The following ATG13 variants were observed in gnomAD, a reference collection of about 807,000 sequenced individuals.
The protein encoded by ATG13 is autophagy-related protein 13.
In ATG13, 23 loss-of-function variants were observed where a neutral mutation model predicts 65.5. The observed-to-expected ratio is 0.35, with a 90% CI of 0.25 to 0.50. The LOEUF (loss-of-function observed/expected upper bound fraction) is 0.50. ATG13 is among the 20% of genes least tolerant of loss of function. The pLI is 0.98. For missense variants in ATG13, 566 were observed against 677.0 expected (o/e 0.84, Z 1.82); for synonymous variants, 252 against 245.2 (o/e 1.03, Z -0.26).
intron 11 of ATG13, among the ~76,000 whole-genome samples, chr11:46,663,410 T>C (rs527825775): frequency 1.1e-3 from 171 of 152,088 alleles, no homozygotes; most frequent in Middle Eastern, 3.4e-3. Flanking sequence ...ACCTATGCCA[T>C]CAGGGACTGT....
At chr11:46,620,771 A>G (rs886972679) in intron 1 of ATG13, among the ~76,000 whole-genome samples, 4 of 152,020 alleles carry the variant, frequency 2.6e-5, no homozygotes, top group South Asian at 4.2e-4. Context: ...GTGAAACTCC[A>G]TCTCAAGAAA....
intron 2 of ATG13, among the ~76,000 whole-genome samples, chr11:46,632,040 A>G (rs2051967700): frequency 6.6e-6 from 1 of 152,204 alleles, no homozygotes; most frequent in South Asian, 2.1e-4. Context: ...AATAGTTTTT[A>G]TTACTCAACT....
chr11:46,664,750 T>C, intron 12 of ATG13, 99 bp from the exon 13 acceptor site: 1 of 1,103,548 alleles, frequency 9.1e-7, no homozygotes, highest in Non-Finnish European at 1.4e-6. Context: ...CGGGAGCCAT[T>C]CCTTATCTCT....
intron 2 of ATG13, 26 bp from the exon 3 acceptor site, chr11:46,644,253 A>G (rs1324540869): frequency 1.3e-6 from 2 of 1,505,880 alleles, no homozygotes; most frequent in African/African-American, 2.8e-5. Context: ...GATATTAGTC[A>G]TATTTTTTTC....
chr11:46,670,252 G>A (rs914708525), intron 18 of ATG13, among the ~76,000 whole-genome samples: 2 of 152,106 alleles, frequency 1.3e-5, no homozygotes, highest in African/African-American at 4.8e-5. Flanking sequence ...GGAGGCCAAG[G>A]CAGGCAGATC....
chr11:46,631,489 G>C (rs1308013725), intron 2 of ATG13, among the ~76,000 whole-genome samples: 2 of 152,194 alleles, frequency 1.3e-5, no homozygotes, highest in African/African-American at 2.4e-5. Flanking sequence ...AGAATCTTCT[G>C]TCCAGCATTT....
chr11:46,657,324 C>A, intron 9 of ATG13, 133 bp downstream of exon 9: 1 of 965,008 alleles, frequency 1.0e-6, no homozygotes, highest in Non-Finnish European at 1.6e-6. Context: ...AGAGAGAGTG[C>A]AGTTGCCAGA....
chr11:46,632,886 A>G (rs1453188153), intron 2 of ATG13, among the ~76,000 whole-genome samples: 4 of 151,100 alleles, frequency 2.6e-5, no homozygotes, highest in African/African-American at 4.9e-5. Flanking sequence ...TCATGGGCCT[A>G]GCACAGTGGC....
chr11:46,639,708 A>C (rs1031279711), intron 2 of ATG13, among the ~76,000 whole-genome samples: 3 of 151,820 alleles, frequency 2.0e-5, no homozygotes, highest in Non-Finnish European at 4.4e-5. Flanking sequence ...AAGTGTGGAG[A>C]TCATTGGTCA....
At chr11:46,636,115 T>C (rs767229757) in intron 2 of ATG13, among the ~76,000 whole-genome samples, 3 of 152,162 alleles carry the variant, frequency 2.0e-5, no homozygotes, top group Non-Finnish European at 4.4e-5. Context: ...AAGTCATTTA[T>C]AGTTTGGATC....
chr11:46,624,652 A>G (rs558726282), intron 1 of ATG13, among the ~76,000 whole-genome samples: 2 of 152,278 alleles, frequency 1.3e-5, no homozygotes, highest in African/African-American at 4.8e-5. Flanking sequence ...GTAATACATC[A>G]CATCAGAAGG....
At chr11:46,626,728 T>C (rs527710629) in intron 1 of ATG13, among the ~76,000 whole-genome samples, 2 of 152,214 alleles carry the variant, frequency 1.3e-5, no homozygotes, top group Non-Finnish European at 2.9e-5. Context: ...CTTGGTGATT[T>C]GCTTGAACCA....
At chr11:46,655,200 C>T (rs773235758) in intron 7 of ATG13, among the ~76,000 whole-genome samples, 1 of 151,980 alleles carries the variant, frequency 6.6e-6, no homozygotes, top group South Asian at 2.1e-4. Flanking sequence ...GAGATCGAAA[C>T]CATCCTGGCT....
rs1027191404 is a variant in ATG13 at position 46,673,333 on chromosome 11, C to T, written c.*1001C>T. ...GAGGGCTGGCCGGGGGCAAAGTCAC[C>T]TCCCAGTGTGGCTGCACTGGAACTG... On this transcript the variant is annotated 3_prime_UTR_variant, in exon 19 of 19. Transcript: ENST00000683050. The T allele has an allele frequency of 4.6e-5, 7 of 152,922 alleles. No homozygotes were observed. The highest frequency in any genetic ancestry group is 1.4e-4 in the African/African-American group (6 of 41,448). The allele number at this position is 152,922 out of a possible 1,614,324, so 9.5% of individuals were successfully genotyped here.
rs762884295 is a variant in ATG13 at position 46,645,878 on chromosome 11, A to G, written c.159A>G (p.Leu53=). 1 of 1,614,100 alleles carries G rather than the reference A, an allele frequency of 6.2e-7. No individual in the cohort carries two copies. Among genetic ancestry groups the G allele is most frequent in the Non-Finnish European group, 8.5e-7 (1 of 1,179,974 alleles). Residue 53 remains leucine (L), a synonymous_variant, in exon 5 of 19, where the codon TTA becomes TTG. Transcript: ENST00000683050. ...TCCCTTTTGTTTTCCAGTTCAACTT[A>G]GCAATCAAAGACATCCCAGAGGTTA... ...SSPTGSDWFN[L]AIKDIPEVTH...
chr11:46,656,659 A>C (rs146294430), intron 8 of ATG13, among the ~76,000 whole-genome samples: 48 of 152,328 alleles, frequency 3.2e-4, no homozygotes, highest in African/African-American at 1.1e-3. Flanking sequence ...TTAGCCGTGG[A>C]GTGGCAGCTT....
intron 18 of ATG13, among the ~76,000 whole-genome samples, chr11:46,671,462 G>A (rs1283950013): frequency 6.6e-6 from 1 of 152,238 alleles, no homozygotes; most frequent in South Asian, 2.1e-4. Flanking sequence ...TTCTGGCCGG[G>A]TGCAGTGGCT....
At chr11:46,639,730 G>A (rs1183671604) in intron 2 of ATG13, among the ~76,000 whole-genome samples, 1 of 151,910 alleles carries the variant, frequency 6.6e-6, no homozygotes, top group Admixed American at 6.6e-5. Context: ...AGTATGCAGG[G>A]TAAAGTCATG....
At chr11:46,628,625 T>C (rs1037788199) in intron 1 of ATG13, among the ~76,000 whole-genome samples, 1 of 152,188 alleles carries the variant, frequency 6.6e-6, no homozygotes, top group Non-Finnish European at 1.5e-5. Context: ...GAATTTGGGA[T>C]TCATTTTTAG....
Sources: allele counts gnomAD v4.1 joint callset (sites outside exome capture counted in the v4.1 genomes callset), GRCh38; gene constraint gnomAD v4.1.1; transcripts MANE v1.5; gene names NCBI Gene and HGNC (gene_info 2026-07-23, HGNC 2026-07-21).